PRAG1: variants seen among roughly 807,000 people sequenced by gnomAD.
The protein encoded by PRAG1 is PEAK1 related, kinase-activating pseudokinase 1.
PRAG1 carries 110 observed loss-of-function variants against 95.6 expected under a neutral mutation model. The observed-to-expected ratio is 1.15, with a 90% CI of 0.99 to 1.35. PRAG1 has a LOEUF of 1.35. Among genes scored for constraint, PRAG1 ranks in the 40% most tolerant of loss-of-function variants. The pLI is 0.00. For synonymous variants in PRAG1, 1,052 were observed against 819.4 expected, an observed-to-expected ratio of 1.28 and a Z score of -4.85; for missense variants, 2,554 against 1,864.7, an observed-to-expected ratio of 1.37 and a Z score of -6.81.
In PRAG1 at chr8:8,328,485, T is replaced by C. The variant is rs754820192; in HGVS notation, c.2321-24A>G. On this transcript the variant is annotated intron_variant, in intron 4 of 5. Transcript: ENST00000615670. ...ACCTGAAGAGGAGAGACAGAAACCA[T>C]AAGACCAAGGCCAGTGCCACTCAAT... is the stretch of plus-strand genomic sequence containing the variant. 4 of 1,611,282 alleles carry C rather than the reference T, an allele frequency of 2.5e-6. No homozygotes were observed. The South Asian group carries it at 3.3e-5, about 13-fold the overall frequency.
chr8:8,352,825 C>A (rs537168414), intron 3 of PRAG1, among the ~76,000 whole-genome samples: 2 of 152,062 alleles, frequency 1.3e-5, no homozygotes, highest in South Asian at 4.1e-4. Flanking sequence ...ACAAAAAATC[C>A]ATTTTAGCTT....
chr8:8,365,335 A>G (rs1799964387), intron 3 of PRAG1, among the ~76,000 whole-genome samples: 1 of 152,192 alleles, frequency 6.6e-6, no homozygotes, highest in Admixed American at 6.5e-5. Flanking sequence ...CTGAAAATCA[A>G]TACAACGGCT....
intron 3 of PRAG1, among the ~76,000 whole-genome samples, chr8:8,347,925 G>A (rs1380322053): frequency 2.0e-5 from 3 of 151,456 alleles, no homozygotes; most frequent in Admixed American, 6.6e-5. Flanking sequence ...GGAGTGCAGC[G>A]GCATGATCTC....
chr8:8,361,417 G>A (rs973474526), intron 3 of PRAG1, among the ~76,000 whole-genome samples: 10 of 152,170 alleles, frequency 6.6e-5, no homozygotes, highest in Admixed American at 5.9e-4. Flanking sequence ...CCGGAAGGGG[G>A]TACAGGGCAG....
In PRAG1 at chr8:8,381,799, T is replaced by G; in HGVS notation, c.-52A>C. On this transcript the variant is annotated 5_prime_UTR_variant, in exon 2 of 6. Transcript: ENST00000615670. ...CTTGCGCCCGGCTCTCTGGTGCAGT[T>G]TTGTGGGATTCAGAGGTGGGTCACA... 1 of 1,459,278 alleles carries G rather than the reference T, an allele frequency of 6.9e-7. No individual in the cohort carries two copies. The allele number at this position is 1,459,278 out of a possible 1,614,324, so 90.4% of individuals were successfully genotyped here.
At chr8:8,328,482 C>G (rs1798720448) in intron 4 of PRAG1, 21 bp from the exon 5 acceptor site, 6 of 1,611,454 alleles carry the variant, frequency 3.7e-6, no homozygotes, top group Non-Finnish European at 5.1e-6. Flanking sequence ...GAGACAGAAA[C>G]CATAAGACCA....
chr8:8,349,039 A>C lies in PRAG1; in HGVS notation c.2163-9404T>G, dbSNP rs1057043308. ...CTTGCAAAAGGCAGGAACACAGAGC[A>C]ACTGATAACCATCAAGAATACCAGA... On this transcript the variant is annotated intron_variant, in intron 3 of 5. Coordinates refer to ENST00000615670, the MANE Select transcript of PRAG1 (RefSeq NM_001080826.3). 2.1e-4 allele frequency among the ~76,000 whole-genome samples: 32 copies of C among 152,222 alleles called. 1 individual carries two copies. Among genetic ancestry groups the C allele is most frequent in the Non-Finnish European group, 1.5e-4 (10 of 68,032 alleles).
chr8:8,371,338 G>C (rs1800196151), intron 3 of PRAG1, among the ~76,000 whole-genome samples: 1 of 151,416 alleles, frequency 6.6e-6, no homozygotes, highest in Non-Finnish European at 1.5e-5. Flanking sequence ...TCGGCTCCCT[G>C]CAAGCTCCGC....
At chr8:8,369,299 A>G (rs1800113527) in intron 3 of PRAG1, among the ~76,000 whole-genome samples, 1 of 152,112 alleles carries the variant, frequency 6.6e-6, no homozygotes. Context: ...TGTATGAGAC[A>G]CATCCCTGCA....
At chr8:8,374,277 A>C (rs4840946) in intron 3 of PRAG1, among the ~76,000 whole-genome samples, 54,239 of 152,104 alleles carry the variant, frequency 0.36, 10,171 homozygotes, top group East Asian at 0.65. Flanking sequence ...GGCTTATACA[A>C]GGTCACTCCA....
intron 3 of PRAG1, among the ~76,000 whole-genome samples, chr8:8,358,321 G>C (rs1799743507): frequency 6.6e-6 from 1 of 152,202 alleles, no homozygotes; most frequent in Admixed American, 6.5e-5. Flanking sequence ...AACCCCAGAG[G>C]TTCTGCTATT....
In PRAG1 at chr8:8,381,564, G is replaced by C. The variant is rs575940469; in HGVS notation, c.184C>G (p.Pro62Ala). 1.6e-4 allele frequency: 263 copies of C among 1,614,216 alleles called. 3 individuals are homozygous for C. In the South Asian group the frequency reaches 2.3e-3, roughly 14 times the overall value. Reference sequence around the variant, plus strand: ...TCCAGGCGGCAGTTCTCAGGCCTGGGAGGCAGGCGCGGTGGAGGGGGCAGG... The same window carrying C: ...TCCAGGCGGCAGTTCTCAGGCCTGGCAGGCAGGCGCGGTGGAGGGGGCAGG... ...GSLPPPPRLP[P>A]RPENCRLEDE... The change falls in exon 2 of 6, where the codon CCC becomes GCC. Residue 62 changes from proline to alanine, a missense_variant. Physicochemically the swap from Pro to Ala is conservative, Grantham distance 27. Coordinates refer to ENST00000615670, the MANE Select transcript of PRAG1 (RefSeq NM_001080826.3).
At position 8,336,208 on chromosome 8, in the gene PRAG1, T is replaced by G. The variant is rs139678924; in HGVS notation, c.2320+3270A>C. 4.0e-4 allele frequency among the ~76,000 whole-genome samples: 61 copies of G among 152,340 alleles called. 1 individual carries two copies. The South Asian group carries it at 5.2e-3, about 13-fold the overall frequency. ...CTAATCTCCAGGCATTCAGAAATGT[T>G]TGCCGAACTGCTGAACTGAATTTTA... On this transcript the variant is annotated intron_variant, in intron 4 of 5. Transcript: ENST00000615670.
In PRAG1 at chr8:8,318,849, C is replaced by A. The variant is rs1354123527; in HGVS notation, c.3526G>T (p.Ala1176Ser). The change falls in exon 6 of 6, where the codon GCC becomes TCC. Residue 1176 changes from alanine to serine, a missense_variant. Coordinates refer to ENST00000615670, the MANE Select transcript of PRAG1 (RefSeq NM_001080826.3). The surrounding 1 kb of genome is among the most constrained non-coding windows in gnomAD (Gnocchi z 4.2). ...GCAGAGGAGCAGGGAGGCGCGGCGGCGGCGGGGGCGGGAGCCGGGGCGGGG... is the reference window on the plus strand; with the variant it reads ...GCAGAGGAGCAGGGAGGCGCGGCGGAGGCGGGGGCGGGAGCCGGGGCGGGG... ...PAPAPAPAPAAAAPPCSSAAP... is the reference protein window; with the variant it reads ...PAPAPAPAPASAAPPCSSAAP... 1.1e-6 allele frequency: 1 copy of A among 930,346 alleles called. No homozygotes were observed. Among genetic ancestry groups the A allele is most frequent in the Non-Finnish European group, 1.3e-6 (1 of 768,016 alleles). 57.6% of individuals were successfully genotyped at this position (930,346 alleles called of 1,614,324 possible).
intron 3 of PRAG1, among the ~76,000 whole-genome samples, chr8:8,368,115 T>C (rs1800072368): frequency 6.6e-6 from 1 of 152,198 alleles, no homozygotes; most frequent in Admixed American, 6.5e-5. Context: ...TAAATTGGTA[T>C]GAAATGGCTA....
intron 3 of PRAG1, among the ~76,000 whole-genome samples, chr8:8,372,232 C>G (rs1800232057): frequency 6.6e-6 from 1 of 152,188 alleles, no homozygotes; most frequent in Non-Finnish European, 1.5e-5. Context: ...GTTGGCCAGG[C>G]TGGTCTTGAA....
intron 3 of PRAG1, among the ~76,000 whole-genome samples, chr8:8,367,387 G>A (rs1236024674): frequency 1.6e-5 from 2 of 125,860 alleles, no homozygotes; most frequent in Non-Finnish European, 3.2e-5. Flanking sequence ...GAACCCGGGA[G>A]GCAGAGGTTG....
intron 3 of PRAG1, among the ~76,000 whole-genome samples, chr8:8,360,539 C>G (rs572107000): frequency 6.6e-6 from 1 of 152,308 alleles, no homozygotes; most frequent in Non-Finnish European, 1.5e-5. Context: ...TTCCTCATCT[C>G]TCCTCAAATA....
In PRAG1 at chr8:8,318,982, G is replaced by T. The variant is rs763824105; in HGVS notation, c.3393C>A (p.Asn1131Lys). Residue 1131 changes from asparagine (N) to lysine (K), a missense_variant, in exon 6 of 6, where the codon AAC becomes AAA. Asn to Lys is a moderately conservative substitution (Grantham distance 94, BLOSUM62 0). Transcript: ENST00000615670. The surrounding 1 kb of genome is among the most constrained non-coding windows in gnomAD (Gnocchi z 4.2). ...RVCFLLLQLC[N>K]GLEHLKEHGI... ...CGTGCTCCTTCAGGTGCTCCAGCCC[G>T]TTGCAGAGTTGCAGAAGCAGGAAGC... is the stretch of plus-strand genomic sequence containing the variant. 4.4e-5 allele frequency: 71 copies of T among 1,613,248 alleles called. No individual in the cohort carries two copies. The highest frequency in any genetic ancestry group is 5.8e-5 in the Non-Finnish European group (69 of 1,179,778).
Sources: allele counts gnomAD v4.1 joint callset (sites outside exome capture counted in the v4.1 genomes callset), GRCh38; gene constraint gnomAD v4.1.1; non-coding constraint Gnocchi (gnomAD v3.1); transcripts MANE v1.5; gene names NCBI Gene and HGNC (gene_info 2026-07-23, HGNC 2026-07-21).